The following RASAL2 variants were observed in gnomAD, a reference collection of about 807,000 sequenced individuals.
RASAL2 encodes the protein RAS protein activator like 2.
A neutral mutation model predicts 128.9 loss-of-function variants in RASAL2; 58 were observed. That is an observed-to-expected ratio of 0.45 (90% CI 0.36 to 0.56). RASAL2 has a LOEUF of 0.56. RASAL2 is among the 20% of genes least tolerant of loss of function. The pLI is 0.00. For synonymous variants in RASAL2, 561 were observed against 580.8 expected (o/e 0.97, Z 0.49); for missense variants, 1,360 against 1,601.6 (o/e 0.85, Z 2.57).
In RASAL2 at chr1:178,458,029, C is replaced by G; in HGVS notation, c.2737C>G (p.Gln913Glu). 1 of 1,614,200 alleles carries G rather than the reference C, an allele frequency of 6.2e-7. No individual in the cohort carries two copies. The highest frequency in any genetic ancestry group is 1.3e-5 in the African/African-American group (1 of 75,052). ...AAGGCCCCTGCACCCAGCCTTGAAC[C>G]AGCCAGGTGGCCTTCAGCCCTTGTC... ...VRRPLHPALN[Q>E]PGGLQPLSFQ... is the part of the protein sequence containing the mutation. Residue 913 changes from glutamine to glutamate, a missense_variant, in exon 14 of 18, where the codon CAG (glutamine) becomes GAG (glutamate). This residue lies in a region of RASAL2 where 741 missense variants were observed against 868.6 expected (regional missense o/e 0.85). Coordinates refer to ENST00000367649, the MANE Select transcript of RASAL2 (RefSeq NM_170692.4).
intron 1 of RASAL2, among the ~76,000 whole-genome samples, chr1:178,158,929 T>C (rs1418822986): frequency 2.0e-5 from 3 of 152,212 alleles, no homozygotes; most frequent in African/African-American, 7.2e-5. Flanking sequence ...TATTAAAGTA[T>C]TGTGATAGAA....
At chr1:178,308,711 A>AT (rs931419865) in intron 3 of RASAL2, among the ~76,000 whole-genome samples, 88 of 145,958 alleles carry the variant, frequency 6.0e-4, no homozygotes, top group African/African-American at 1.2e-3. Flanking sequence ...ATGCCTGGCT[A>AT]TTTTTTTTTT....
intron 3 of RASAL2, among the ~76,000 whole-genome samples, chr1:178,379,079 A>G (rs1420751384): frequency 6.6e-6 from 1 of 152,184 alleles, no homozygotes; most frequent in African/African-American, 2.4e-5. Context: ...AGAAAATTAG[A>G]GAATTGAAAA....
intron 14 of RASAL2, among the ~76,000 whole-genome samples, chr1:178,459,382 A>T (rs1291012063): frequency 6.6e-6 from 1 of 151,910 alleles, no homozygotes; most frequent in African/African-American, 2.4e-5. Context: ...ATCTTTATAT[A>T]TCTTTCATCT....
At chr1:178,111,070 G>A (rs1283600561) in intron 1 of RASAL2, among the ~76,000 whole-genome samples, 1 of 152,054 alleles carries the variant, frequency 6.6e-6, no homozygotes, top group Non-Finnish European at 1.5e-5. Flanking sequence ...GCTTCTTTCA[G>A]CATATTTTGA....
chr1:178,321,782 A>G (rs1668794034), intron 3 of RASAL2, among the ~76,000 whole-genome samples: 1 of 151,788 alleles, frequency 6.6e-6, no homozygotes, highest in Non-Finnish European at 1.5e-5. Context: ...TGAGGTCAGG[A>G]GTTTGAGACC....
At chr1:178,171,945 T>G (rs1405678178) in intron 1 of RASAL2, among the ~76,000 whole-genome samples, 1 of 152,146 alleles carries the variant, frequency 6.6e-6, no homozygotes, top group East Asian at 1.9e-4. Context: ...GAGAGCTTTT[T>G]CATGCTCTAT....
chr1:178,445,891 C>T (rs562405176), intron 9 of RASAL2, among the ~76,000 whole-genome samples: 1 of 152,206 alleles, frequency 6.6e-6, no homozygotes, highest in East Asian at 1.9e-4. Context: ...CCCCAGGTCC[C>T]CAGCTTCATG....
At chr1:178,437,995 G>A (rs975154456) in intron 5 of RASAL2, among the ~76,000 whole-genome samples, 2 of 151,270 alleles carry the variant, frequency 1.3e-5, no homozygotes, top group African/African-American at 4.9e-5. Context: ...TGTCCCTTTT[G>A]TGCATACTTT....
In RASAL2 at chr1:178,478,091, CT is replaced by C. The variant is rs1388875916; in HGVS notation, c.*4855del. ...TGCCTGCATTTCAGCATGCATTTTC[CT>C]TTCCTACTCAGTTGCTATCTTCCAC... is the stretch of plus-strand genomic sequence containing the variant. On this transcript the variant is annotated 3_prime_UTR_variant, in exon 18 of 18. Coordinates refer to ENST00000367649, the MANE Select transcript of RASAL2 (RefSeq NM_170692.4). 1 of 152,086 alleles carries C rather than the reference CT, an allele frequency of 6.6e-6. No individual in the cohort carries two copies. Among genetic ancestry groups the C allele is most frequent in the East Asian group, 1.9e-4 (1 of 5,194 alleles). The allele number at this position is 152,086 out of a possible 1,614,324, so 9.4% of individuals were successfully genotyped here.
chr1:178,442,561 T>C, intron 7 of RASAL2, 114 bp from the exon 8 acceptor site: 1 of 806,090 alleles, frequency 1.2e-6, no homozygotes, highest in Non-Finnish European at 1.9e-6. Context: ...ATCCCTTTCA[T>C]TATTTGTTGA....
intron 1 of RASAL2, among the ~76,000 whole-genome samples, chr1:178,109,747 A>G (rs1381194283): frequency 6.6e-6 from 1 of 152,140 alleles, no homozygotes; most frequent in Non-Finnish European, 1.5e-5. Flanking sequence ...TAGGCGAGGC[A>G]TGGTTGGCTG....
intron 4 of RASAL2, among the ~76,000 whole-genome samples, chr1:178,403,086 C>T (rs971322011): frequency 5.3e-5 from 8 of 151,996 alleles, no homozygotes; most frequent in African/African-American, 1.9e-4. Flanking sequence ...ATAAGAAAAT[C>T]AACATACTAT....
intron 3 of RASAL2, among the ~76,000 whole-genome samples, chr1:178,375,274 A>T (rs1453536314): frequency 6.6e-6 from 1 of 152,124 alleles, no homozygotes; most frequent in Non-Finnish European, 1.5e-5. Flanking sequence ...GAATTCATGT[A>T]AAGAAGTAAT....
At chr1:178,172,700 G>A (rs1367514633) in intron 1 of RASAL2, among the ~76,000 whole-genome samples, 1 of 152,050 alleles carries the variant, frequency 6.6e-6, no homozygotes, top group East Asian at 1.9e-4. Flanking sequence ...AAACACTTAA[G>A]CATATACACT....
intron 1 of RASAL2, among the ~76,000 whole-genome samples, chr1:178,110,650 A>ATATATATGTG (rs68137228): frequency 7.2e-6 from 1 of 139,158 alleles, no homozygotes; most frequent in African/African-American, 2.6e-5. Context: ...ATATATATAT[A>ATATATATGTG]TATGTATGTA....
rs911595663 is a variant in RASAL2, at chr1:178,331,604, T to G, written c.457+31486T>G. Among the ~76,000 whole-genome samples, 445 of 148,988 alleles carry G rather than the reference T, an allele frequency of 3.0e-3. 2 individuals carry two copies. The highest frequency in any genetic ancestry group is 0.011 in the African/African-American group (430 of 40,074). ...GCATCTTTTTTTTTTTTTTTTTTTT[T>G]GAGACAGATTCTCGCACTGTCATCC... On this transcript the variant is annotated intron_variant, in intron 3 of 17. Coordinates refer to ENST00000367649, the MANE Select transcript of RASAL2 (RefSeq NM_170692.4).
At position 178,451,621 on chromosome 1, in the gene RASAL2, C is replaced by T. The variant is rs12038082; in HGVS notation, c.1678C>T (p.Pro560Ser). The change falls in exon 10 of 18, where the codon CCC becomes TCC. Residue 560 changes from proline to serine, a missense_variant. This residue lies in a region of RASAL2 where 617 missense variants were observed against 714.2 expected (regional missense o/e 0.86). Transcript: ENST00000367649. ...GTCCGATGAGAACTGTGAAGTGGAT[C>T]CCAGCAAATGTTCATCTAGTGAACT... The part of the protein sequence containing the change: ...YESDENCEVD[P>S]SKCSSSELID... The T allele has an allele frequency of 2.5e-6, 4 of 1,613,808 alleles. No individual in the cohort carries two copies. In the East Asian group the frequency reaches 8.9e-5, roughly 36 times the overall value.
intron 1 of RASAL2, 84 bp downstream of exon 1, chr1:178,094,778 C>T (rs1471722791): frequency 1.3e-6 from 2 of 1,510,622 alleles, no homozygotes; most frequent in East Asian, 2.3e-5. Flanking sequence ...CAGGCTCATT[C>T]CCAGTCCTCA....
Sources: gnomAD v4.1 joint callset for allele counts (sites outside exome capture counted in the v4.1 genomes callset) on GRCh38, gnomAD v4.1.1 for gene constraint, gnomAD v4.1.1 regional missense constraint, MANE v1.5 for transcripts, NCBI Gene and HGNC (gene_info 2026-07-23, HGNC 2026-07-21) for gene names.